The following BABAM2 variants were observed in gnomAD, a reference collection of about 807,000 sequenced individuals.
BABAM2 encodes the protein BRISC and BRCA1-A complex member 2.
BABAM2 carries 31 observed loss-of-function variants against 54.7 expected under a neutral mutation model. That is an observed-to-expected ratio of 0.57 (90% CI 0.43 to 0.77). The LOEUF (loss-of-function observed/expected upper bound fraction) is 0.77, where lower values mean the gene tolerates loss of function less well. BABAM2 is among the 30% of genes least tolerant of loss of function. BABAM2 has a pLI of 0.00. For missense variants in BABAM2, 364 were observed against 455.8 expected, an observed-to-expected ratio of 0.80 and a Z score of 1.83; for synonymous variants, 167 against 162.9, an observed-to-expected ratio of 1.03 and a Z score of -0.19.
rs553577822 is a variant in BABAM2, at chr2:28,325,742, G to T, written c.1089-12708G>T. On this transcript the variant is annotated intron_variant, in intron 11 of 11. Transcript: ENST00000379624. This position sits in a 1 kb window ranked among gnomAD's most constrained non-coding sequence, Gnocchi z 4.3. ...CATCCTCAAACACCCAGCCAGGGGG[G>T]TGAATGTCCCAGAGTGTTGGGTGAC... Among the ~76,000 whole-genome samples, 68 of 152,288 alleles carry T rather than the reference G, an allele frequency of 4.5e-4. 1 individual carries two copies. Among genetic ancestry groups the T allele is most frequent in the African/African-American group, 1.6e-3 (68 of 41,552 alleles).
intron 10 of BABAM2, among the ~76,000 whole-genome samples, chr2:28,249,736 G>C (rs767432923): frequency 5.9e-5 from 9 of 152,052 alleles, no homozygotes; most frequent in Non-Finnish European, 1.3e-4. Context: ...AACTTCCTGG[G>C]CTCAGGTGAT....
At chr2:28,239,760 A>C (rs2148064408) in intron 8 of BABAM2, among the ~76,000 whole-genome samples, 1 of 152,314 alleles carries the variant, frequency 6.6e-6, no homozygotes, top group African/African-American at 2.4e-5. Context: ...GCAGTCCCTA[A>C]TGAAATCATT....
At chr2:28,089,075 C>T (rs148198687) in intron 6 of BABAM2, among the ~76,000 whole-genome samples, 4,849 of 151,772 alleles carry the variant, frequency 0.032, 481 homozygotes, top group Admixed American at 0.21. Context: ...GGGACAAAGA[C>T]AAGTGGTCAA....
chr2:27,975,096 T>C (rs1345822024), intron 3 of BABAM2, among the ~76,000 whole-genome samples: 1 of 152,024 alleles, frequency 6.6e-6, no homozygotes. Flanking sequence ...AGATATATAA[T>C]ATATTCAAGG....
intron 11 of BABAM2, among the ~76,000 whole-genome samples, chr2:28,334,434 C>CTATA: frequency 6.6e-6 from 1 of 152,352 alleles, no homozygotes; most frequent in Non-Finnish European, 1.5e-5. Flanking sequence ...CCTGTGGGGG[C>CTATA]TATAGTGCAG....
At chr2:28,261,774 C>T (rs1482951846) in intron 10 of BABAM2, among the ~76,000 whole-genome samples, 2 of 150,310 alleles carry the variant, frequency 1.3e-5, no homozygotes, top group Admixed American at 6.6e-5. Context: ...CTTTCCCCTC[C>T]CCTCCCCTCC....
intron 5 of BABAM2, among the ~76,000 whole-genome samples, chr2:28,026,907 A>ATATAT (rs1675835074): frequency 2.9e-5 from 1 of 34,344 alleles, no homozygotes; most frequent in Non-Finnish European, 6.7e-5. Flanking sequence ...AATATATATA[A>ATATAT]ATATATATTA....
At chr2:27,893,636 G>T (rs1476811530) in intron 1 of BABAM2, among the ~76,000 whole-genome samples, 2 of 152,162 alleles carry the variant, frequency 1.3e-5, no homozygotes, top group Non-Finnish European at 2.9e-5. Flanking sequence ...CATAGACCCT[G>T]CAGGGAAGAG....
At chr2:28,066,936 T>A (rs950609104) in intron 6 of BABAM2, among the ~76,000 whole-genome samples, 6 of 152,212 alleles carry the variant, frequency 3.9e-5, no homozygotes, top group Non-Finnish European at 5.9e-5. Flanking sequence ...ATTTTAATTT[T>A]ATTTTGTTTA....
intron 5 of BABAM2, among the ~76,000 whole-genome samples, chr2:28,035,943 T>A (rs920944038): frequency 6.6e-6 from 1 of 152,146 alleles, no homozygotes; most frequent in African/African-American, 2.4e-5. Context: ...ATGCATCAAG[T>A]GGAAAAGATC....
chr2:28,315,252 G>A (rs1390640937), intron 11 of BABAM2, among the ~76,000 whole-genome samples: 1 of 152,082 alleles, frequency 6.6e-6, no homozygotes, highest in Non-Finnish European at 1.5e-5. Flanking sequence ...TTGTTTGTTT[G>A]TTTGTTTTTA....
intron 10 of BABAM2, among the ~76,000 whole-genome samples, chr2:28,279,858 G>T (rs959791454): frequency 4.0e-5 from 6 of 151,416 alleles, no homozygotes; most frequent in Admixed American, 3.9e-4. Flanking sequence ...TAGAGATGGG[G>T]TTTCTCCATG....
chr2:28,329,743 T>C lies in BABAM2; in HGVS notation c.1089-8707T>C, dbSNP rs1690788933. On this transcript the variant is annotated intron_variant, in intron 11 of 11. Coordinates refer to ENST00000379624, the MANE Select transcript of BABAM2 (RefSeq NM_199191.3). The surrounding 1 kb of genome is among the most constrained non-coding windows in gnomAD (Gnocchi z 4.2). ...ACCAGATGAATTTACAGCTGAATTC[T>C]ACCAGAGGTACAAAGAGGATCTGGT... Among the ~76,000 whole-genome samples the C allele has an allele frequency of 6.6e-6, 1 of 152,236 alleles. No homozygotes were observed. The highest frequency in any genetic ancestry group is 1.5e-5 in the Non-Finnish European group (1 of 68,050).
At chr2:28,311,118 G>A (rs980187648) in intron 11 of BABAM2, among the ~76,000 whole-genome samples, 5 of 151,772 alleles carry the variant, frequency 3.3e-5, no homozygotes, top group Non-Finnish European at 5.9e-5. Flanking sequence ...AAAATTAGCC[G>A]AGTGTGGTGG....
chr2:28,135,324 G>GTA (rs1230272238), intron 7 of BABAM2, among the ~76,000 whole-genome samples: 1 of 152,174 alleles, frequency 6.6e-6, no homozygotes, highest in Non-Finnish European at 1.5e-5. Flanking sequence ...CCTCATGATA[G>GTA]TATGTCTATC....
intron 4 of BABAM2, among the ~76,000 whole-genome samples, chr2:28,016,738 G>GT (rs1448819395): frequency 6.6e-6 from 1 of 152,152 alleles, no homozygotes; most frequent in Non-Finnish European, 1.5e-5. Flanking sequence ...GAACTACCCT[G>GT]TTTAATTTTT....
intron 4 of BABAM2, among the ~76,000 whole-genome samples, chr2:28,014,793 A>G (rs1438201096): frequency 6.6e-6 from 1 of 152,048 alleles, no homozygotes; most frequent in Non-Finnish European, 1.5e-5. Context: ...TAAACATTGC[A>G]GCCTAAACAA....
intron 3 of BABAM2, among the ~76,000 whole-genome samples, chr2:27,986,739 T>C (rs1010105011): frequency 3.9e-5 from 6 of 152,204 alleles, no homozygotes; most frequent in African/African-American, 1.4e-4. Context: ...TTATAGATAC[T>C]GTTTGAGCAG....
intron 10 of BABAM2, among the ~76,000 whole-genome samples, chr2:28,279,730 A>G (rs1686195452): frequency 7.4e-6 from 1 of 134,306 alleles, no homozygotes; most frequent in South Asian, 2.4e-4. Context: ...CAATGGCATG[A>G]TCTCAGCTCA....
Sources: gnomAD v4.1 joint callset for allele counts (sites outside exome capture counted in the v4.1 genomes callset) on GRCh38, gnomAD v4.1.1 for gene constraint, Gnocchi (gnomAD v3.1) non-coding constraint, MANE v1.5 for transcripts, NCBI Gene and HGNC (gene_info 2026-07-23, HGNC 2026-07-21) for gene names.